Variants in RALGPS1 observed in about 807,000 individuals in gnomAD.
RALGPS1 encodes the protein ras-specific guanine nucleotide-releasing factor RalGPS1.
Under a neutral mutation model 78.8 loss-of-function variants are expected in RALGPS1, and 19 were observed. That is an observed-to-expected ratio of 0.24 (90% CI 0.17 to 0.35). RALGPS1 has a LOEUF of 0.35. Among genes scored for constraint, RALGPS1 ranks in the 10% least tolerant of loss-of-function variants. The pLI is 1.00. For synonymous variants in RALGPS1, 228 were observed against 256.3 expected (o/e 0.89, Z 1.06); for missense variants, 454 against 688.3 (o/e 0.66, Z 3.81).
Position 127,205,851 on chromosome 9 carries a change from G to A in RALGPS1, c.1248-6280G>A, listed in dbSNP as rs891640585. Among the ~76,000 whole-genome samples, 1 of 152,256 alleles carries A rather than the reference G, an allele frequency of 6.6e-6. No individual in the cohort carries two copies. Among genetic ancestry groups the A allele is most frequent in the Non-Finnish European group, 1.5e-5 (1 of 68,044 alleles). On this transcript the variant is annotated intron_variant, in intron 14 of 18. Coordinates refer to ENST00000259351, the MANE Select transcript of RALGPS1 (RefSeq NM_014636.3). The surrounding 1 kb of genome is among the most constrained non-coding windows in gnomAD (Gnocchi z 4.0). ...GATCTGGTTCCTAATCACCAGGAGAGAAGATCTGGCATACCTGGCTTGGAT... is the reference window on the plus strand; with the variant it reads ...GATCTGGTTCCTAATCACCAGGAGAAAAGATCTGGCATACCTGGCTTGGAT...
chr9:127,155,773 A>G (rs1588213282), intron 8 of RALGPS1, among the ~76,000 whole-genome samples: 1 of 152,304 alleles, frequency 6.6e-6, no homozygotes, highest in East Asian at 1.9e-4. Flanking sequence ...CTTTAAATCT[A>G]AACCTGAAGA....
At chr9:126,948,719 C>A (rs1385646536) in intron 1 of RALGPS1, among the ~76,000 whole-genome samples, 1 of 151,958 alleles carries the variant, frequency 6.6e-6, no homozygotes, top group African/African-American at 2.4e-5. Context: ...CTGTTTGTGC[C>A]GGCCCCCAAT....
chr9:127,005,464 C>G (rs1230454094), intron 4 of RALGPS1, among the ~76,000 whole-genome samples: 1 of 152,206 alleles, frequency 6.6e-6, no homozygotes, highest in Non-Finnish European at 1.5e-5. Flanking sequence ...CTGGGACTTT[C>G]TGTGTCAGCG....
chr9:126,937,454 A>T (rs1254295933), intron 1 of RALGPS1, among the ~76,000 whole-genome samples: 1 of 152,234 alleles, frequency 6.6e-6, no homozygotes, highest in Non-Finnish European at 1.5e-5. Flanking sequence ...ATCAGAACTT[A>T]TATTAGGACT....
Position 127,026,597 on chromosome 9 carries a change from C to T in RALGPS1, c.217-7834C>T, listed in dbSNP as rs117915676. 4.4e-3 allele frequency among the ~76,000 whole-genome samples: 663 copies of T among 152,238 alleles called. 3 individuals carry two copies. The highest frequency in any genetic ancestry group is 7.6e-3 in the Non-Finnish European group (515 of 68,010). ...TCCTTTTCTTAACAGTGTCTAAGTA[C>T]GTTAGAGGGGTTTTTTCTAAGTTTT... On this transcript the variant is annotated intron_variant, in intron 4 of 18. Transcript: ENST00000259351.
intron 4 of RALGPS1, among the ~76,000 whole-genome samples, chr9:126,986,299 G>A (rs1479760659): frequency 2.6e-5 from 4 of 152,184 alleles, no homozygotes; most frequent in Non-Finnish European, 4.4e-5. Context: ...TCAAAAATTG[G>A]TGTATTAATG....
At chr9:127,187,517 A>T (rs1308111618) in intron 11 of RALGPS1, among the ~76,000 whole-genome samples, 1 of 152,260 alleles carries the variant, frequency 6.6e-6, no homozygotes, top group East Asian at 1.9e-4. Context: ...GGTACAGAGC[A>T]TAGCGCTGGG....
chr9:127,027,365 A>G (rs1397475725), intron 4 of RALGPS1, among the ~76,000 whole-genome samples: 1 of 152,196 alleles, frequency 6.6e-6, no homozygotes, highest in Non-Finnish European at 1.5e-5. Context: ...TGGGTTTGTC[A>G]CAGACACAGA....
chr9:126,947,142 AAG>A (rs1361338160), intron 1 of RALGPS1, among the ~76,000 whole-genome samples: 1 of 152,198 alleles, frequency 6.6e-6, no homozygotes, highest in African/African-American at 2.4e-5. Context: ...GTCTTAGGCT[AAG>A]AGAGCATTGT....
intron 11 of RALGPS1, among the ~76,000 whole-genome samples, chr9:127,189,326 G>A (rs2060890427): frequency 6.6e-6 from 1 of 152,176 alleles, no homozygotes; most frequent in African/African-American, 2.4e-5. Context: ...ATCAGCTGGG[G>A]CCAGAGGCGA....
In RALGPS1 at chr9:127,218,991, C is replaced by T. The variant is rs1300229077; in HGVS notation, c.*222C>T. ...TCTCATGACACTCATTCTGCAGCAC[C>T]GCCTCTTGGGGCAGTGGTCAGACCC... On this transcript the variant is annotated 3_prime_UTR_variant, in exon 19 of 19. Transcript: ENST00000259351. The surrounding 1 kb of genome is among the most constrained non-coding windows in gnomAD (Gnocchi z 4.4). 10 of 590,596 alleles carry T rather than the reference C, an allele frequency of 1.7e-5. No individual in the cohort carries two copies. The highest frequency in any genetic ancestry group is 3.7e-5 in the African/African-American group (2 of 53,566). The allele number at this position is 590,596 out of a possible 1,614,324, so 36.6% of individuals were successfully genotyped here. A position where few individuals can be genotyped will look rare whatever the true frequency, so the allele number is the denominator to read the frequency against.
chr9:127,175,677 C>CTTTTTTTTTT (rs11354346), intron 11 of RALGPS1, among the ~76,000 whole-genome samples: 1 of 108,982 alleles, frequency 9.2e-6, no homozygotes, highest in Non-Finnish European at 1.8e-5. Flanking sequence ...TTTGGGCCTC[C>CTTTTTTTTTT]TTTTTTTTTT....
chr9:127,175,677 C>CTT (rs11354346), intron 11 of RALGPS1, among the ~76,000 whole-genome samples: 2,168 of 108,974 alleles, frequency 0.02, 30 homozygotes, highest in Admixed American at 0.031. Context: ...TTTGGGCCTC[C>CTT]TTTTTTTTTT....
chr9:127,028,747 C>T (rs2046170059), intron 4 of RALGPS1, among the ~76,000 whole-genome samples: 1 of 152,118 alleles, frequency 6.6e-6, no homozygotes, highest in South Asian at 2.1e-4. Flanking sequence ...AAATATCGGC[C>T]CATTCAATTC....
intron 5 of RALGPS1, 115 bp downstream of exon 5, chr9:127,034,629 G>C (rs2046706207): frequency 1.2e-6 from 1 of 860,656 alleles, no homozygotes; most frequent in African/African-American, 1.7e-5. Flanking sequence ...CCCAGATCCA[G>C]CTTCTCATAT....
At chr9:127,018,413 G>A (rs1243444428) in intron 4 of RALGPS1, among the ~76,000 whole-genome samples, 1 of 152,010 alleles carries the variant, frequency 6.6e-6, no homozygotes, top group Non-Finnish European at 1.5e-5. Context: ...CAAGGCAGGT[G>A]GATCACTTGA....
rs543934399 is a variant in RALGPS1 at position 127,098,247 on chromosome 9, A to T, written c.610+28891A>T. Among the ~76,000 whole-genome samples, 11 of 152,348 alleles carry T rather than the reference A, an allele frequency of 7.2e-5. No homozygotes were observed. In the South Asian group the frequency reaches 2.3e-3, roughly 32 times the overall value. On this transcript the variant is annotated intron_variant, in intron 8 of 18. Coordinates refer to ENST00000259351, the MANE Select transcript of RALGPS1 (RefSeq NM_014636.3). ...TTTTGTCAATGAAACTGAGTTTTCA[A>T]CGTGCAGTGGGCAAAGCGCTCCCTT...
chr9:127,214,711 C>CGTG lies in RALGPS1; in HGVS notation c.1553-38_1553-36dup, dbSNP rs377575418. On this transcript the variant is annotated intron_variant, in intron 17 of 18. Transcript: ENST00000259351. The stretch of plus-strand genomic sequence containing the variant: ...TGCCAGTCACCAGCTGACCCTCCTA[C>CGTG]GTGGCCCTCTTCTTAACTCATGGTT... 673 of 1,579,684 alleles carry CGTG rather than the reference C, an allele frequency of 4.3e-4. 4 individuals carry two copies. The African/African-American group carries it at 7.5e-3, about 18-fold the overall frequency.
chr9:126,928,547 GC>G (rs1256624625), intron 1 of RALGPS1, among the ~76,000 whole-genome samples: 1 of 152,114 alleles, frequency 6.6e-6, no homozygotes, highest in African/African-American at 2.4e-5. Flanking sequence ...GGCAGACTGA[GC>G]TGTGTTCAAA....
Sources: allele counts gnomAD v4.1 joint callset (sites outside exome capture counted in the v4.1 genomes callset), GRCh38; gene constraint gnomAD v4.1.1; non-coding constraint Gnocchi (gnomAD v3.1); transcripts MANE v1.5; gene names NCBI Gene and HGNC (gene_info 2026-07-23, HGNC 2026-07-21).